PPARGC1A: variants seen among roughly 807,000 people sequenced by gnomAD.
PPARGC1A encodes the protein PPARG coactivator 1 alpha, also known as peroxisome proliferator-activated receptor gamma coactivator 1-alpha.
In PPARGC1A, 25 loss-of-function variants were observed where a neutral mutation model predicts 88.7. That is an observed-to-expected ratio of 0.28 (90% confidence interval 0.21 to 0.39). PPARGC1A has a LOEUF of 0.39. PPARGC1A is among the 10% of genes least tolerant of loss of function. The probability of loss-of-function intolerance (pLI) is 1.00; values close to 1 mark genes in which losing one functional copy is unlikely to be tolerated. For synonymous variants in PPARGC1A, 363 were observed against 355.6 expected, an observed-to-expected ratio of 1.02 and a Z score of -0.24; for missense variants, 880 against 968.7, an observed-to-expected ratio of 0.91 and a Z score of 1.22.
At chr4:24,022,895 A>G in the PPARGC1A span, among the ~76,000 whole-genome samples, 5 of 152,348 alleles carry the variant, frequency 3.3e-5, no homozygotes, top group South Asian at 1.0e-3. Flanking sequence ...CTCCTGACAT[A>G]TAAAACTAAA....
the PPARGC1A span, among the ~76,000 whole-genome samples, chr4:24,091,079 A>G: frequency 6.6e-6 from 1 of 152,240 alleles, no homozygotes; most frequent in Non-Finnish European, 1.5e-5. Context: ...CTAAGCTACC[A>G]TAACACCATA....
At chr4:24,359,542 A>T in the PPARGC1A span, among the ~76,000 whole-genome samples, 1 of 151,856 alleles carries the variant, frequency 6.6e-6, no homozygotes, top group Non-Finnish European at 1.5e-5. Context: ...CCTCAAAAAG[A>T]TATATTCAAG....
the PPARGC1A span, among the ~76,000 whole-genome samples, chr4:24,431,438 A>G: frequency 1.3e-5 from 2 of 152,242 alleles, no homozygotes; most frequent in African/African-American, 4.8e-5. Flanking sequence ...TCTGCAAAAT[A>G]TAACTGAGAT....
the PPARGC1A span, among the ~76,000 whole-genome samples, chr4:24,394,278 C>G: frequency 1.3e-3 from 195 of 152,228 alleles, no homozygotes; most frequent in African/African-American, 4.5e-3. Flanking sequence ...CACCTAAGGT[C>G]ATTTTGAGTC....
the PPARGC1A span, among the ~76,000 whole-genome samples, chr4:24,225,298 G>A: frequency 3.9e-5 from 6 of 152,222 alleles, no homozygotes; most frequent in East Asian, 3.9e-4. Flanking sequence ...GGCTGGGCAC[G>A]GTGGCTCACG....
chr4:23,905,299 C>T (rs1577713429), upstream of PPARGC1A, among the ~76,000 whole-genome samples: 1 of 152,340 alleles, frequency 6.6e-6, no homozygotes, highest in Middle Eastern at 3.4e-3. Context: ...GCCATCCACT[C>T]TTCGCCCCCA....
the PPARGC1A span, among the ~76,000 whole-genome samples, chr4:24,404,501 G>T: frequency 6.6e-6 from 1 of 152,130 alleles, no homozygotes; most frequent in South Asian, 2.1e-4. Flanking sequence ...CTTTTTAAAA[G>T]CTGATAAGCG....
the PPARGC1A span, among the ~76,000 whole-genome samples, chr4:24,108,856 G>GA: frequency 2.8e-3 from 424 of 151,464 alleles, 5 homozygotes; most frequent in East Asian, 0.051. Context: ...AAACTTAGGG[G>GA]AAAAAAAAGG....
the PPARGC1A span, among the ~76,000 whole-genome samples, chr4:24,121,701 C>A: frequency 1.3e-5 from 2 of 152,130 alleles, no homozygotes; most frequent in South Asian, 2.1e-4. Flanking sequence ...TGCAGCCTTA[C>A]GTGGGAGGGG....
chr4:23,933,402 G>A, the PPARGC1A span, among the ~76,000 whole-genome samples: 10 of 152,270 alleles, frequency 6.6e-5, no homozygotes, highest in Non-Finnish European at 1.2e-4. Context: ...TTGCTTCCAG[G>A]AGTAAGTGTT....
At chr4:24,349,654 CCCA>C in the PPARGC1A span, among the ~76,000 whole-genome samples, 1 of 152,160 alleles carries the variant, frequency 6.6e-6, no homozygotes, top group South Asian at 2.1e-4. Flanking sequence ...CCACCGTGCC[CCCA>C]CCAACAGCCC....
chr4:24,206,427 A>C, the PPARGC1A span, among the ~76,000 whole-genome samples: 1 of 152,274 alleles, frequency 6.6e-6, no homozygotes, highest in African/African-American at 2.4e-5. Flanking sequence ...AAACATGACT[A>C]TAAGTTACAT....
chr4:24,058,835 C>T, the PPARGC1A span, among the ~76,000 whole-genome samples: 18 of 152,230 alleles, frequency 1.2e-4, no homozygotes, highest in Non-Finnish European at 1.8e-4. Context: ...ATCCCAGCTA[C>T]TAGGGAGGCT....
At chr4:24,316,485 C>T in the PPARGC1A span, among the ~76,000 whole-genome samples, 1 of 152,166 alleles carries the variant, frequency 6.6e-6, no homozygotes, top group South Asian at 2.1e-4. Flanking sequence ...TGCTGAGGAG[C>T]CTTAGCTACA....
chr4:23,977,067 G>GT, the PPARGC1A span, among the ~76,000 whole-genome samples: 1 of 151,798 alleles, frequency 6.6e-6, no homozygotes, highest in African/African-American at 2.4e-5. Flanking sequence ...AGAAGAAGAA[G>GT]AAAGAAGAAG....
chr4:24,009,148 A>AGAG, the PPARGC1A span, among the ~76,000 whole-genome samples: 1 of 43,790 alleles, frequency 2.3e-5, no homozygotes. Flanking sequence ...AAAAAAAAAA[A>AGAG]AAAGAGAGAG....
At chr4:24,279,229 G>A in the PPARGC1A span, among the ~76,000 whole-genome samples, 8 of 152,148 alleles carry the variant, frequency 5.3e-5, no homozygotes, top group South Asian at 2.1e-4. Flanking sequence ...ATGCCTCTCC[G>A]TTTTGCTTTT....
At chr4:23,959,469 G>A in the PPARGC1A span, among the ~76,000 whole-genome samples, 1 of 152,112 alleles carries the variant, frequency 6.6e-6, no homozygotes, top group Non-Finnish European at 1.5e-5. Context: ...TAACTCTACA[G>A]AAGGTGATAA....
chr4:23,983,969 A>G, the PPARGC1A span, among the ~76,000 whole-genome samples: 1 of 151,830 alleles, frequency 6.6e-6, no homozygotes, highest in Admixed American at 6.6e-5. Context: ...TCAATTGTAC[A>G]TTTTCTTTAG....
Sources: allele counts gnomAD v4.1 joint callset (sites outside exome capture counted in the v4.1 genomes callset), GRCh38; gene constraint gnomAD v4.1.1; transcripts MANE v1.5; gene names NCBI Gene and HGNC (gene_info 2026-07-23, HGNC 2026-07-21).